The following COBL variants were observed in gnomAD, a reference collection of about 807,000 sequenced individuals.
The protein encoded by COBL is protein cordon-bleu.
In COBL, 51 loss-of-function variants were observed where a neutral mutation model predicts 98.8. The ratio of observed to expected loss-of-function variants is 0.52; its 90% CI spans 0.41 to 0.65. The LOEUF (loss-of-function observed/expected upper bound fraction) is 0.65, where lower values mean the gene tolerates loss of function less well. Among genes scored for constraint, COBL ranks in the 30% least tolerant of loss-of-function variants. The pLI, the probability that COBL is intolerant of heterozygous loss-of-function variation, is 0.00. For missense variants in COBL, 1,617 were observed against 1,617.5 expected, an observed-to-expected ratio of 1.00 and a Z score of 0.01; for synonymous variants, 634 against 651.7, an observed-to-expected ratio of 0.97 and a Z score of 0.41.
chr7:51,028,028 G>A lies in COBL; in HGVS notation c.3068C>T (p.Pro1023Leu). The A allele has an allele frequency of 6.2e-7, 1 of 1,605,690 alleles. No individual in the cohort carries two copies. The highest frequency in any genetic ancestry group is 1.1e-5 in the South Asian group (1 of 89,194). The change falls in exon 10 of 13, where the codon CCT becomes CTT. Residue 1023 changes from proline (P) to leucine (L), a missense_variant. Physicochemically the swap from Pro to Leu is moderately conservative, Grantham distance 98. Transcript: ENST00000265136. Reference sequence around the variant, plus strand: ...GGCCTGAGTGTCAGATGTGTGTGGAGGGGGTGGGTCTGTACCATCAGGTGC... The same window carrying A: ...GGCCTGAGTGTCAGATGTGTGTGGAAGGGGTGGGTCTGTACCATCAGGTGC... ...RRAPDGTDPP[P>L]PHTSDTQACS...
At chr7:51,283,289 A>T (rs1799968301) in intron 1 of COBL, among the ~76,000 whole-genome samples, 2 of 152,198 alleles carry the variant, frequency 1.3e-5, no homozygotes, top group African/African-American at 4.8e-5. Context: ...AGGAATAAAA[A>T]AGAAGATATC....
intron 5 of COBL, among the ~76,000 whole-genome samples, chr7:51,166,949 T>C (rs889506502): frequency 6.6e-6 from 1 of 152,162 alleles, no homozygotes; most frequent in Admixed American, 6.5e-5. Context: ...AGAAGTAACA[T>C]ATCTTAACAT....
chr7:51,051,327 A>C (rs1790217075), intron 7 of COBL, among the ~76,000 whole-genome samples: 1 of 152,222 alleles, frequency 6.6e-6, no homozygotes, highest in Non-Finnish European at 1.5e-5. Flanking sequence ...TAAAATTTTT[A>C]CCTGAATGTG....
intron 7 of COBL, among the ~76,000 whole-genome samples, chr7:51,079,501 A>G (rs1159359963): frequency 7.9e-5 from 12 of 152,262 alleles, no homozygotes; most frequent in Admixed American, 6.5e-4. Context: ...TATGAATAAA[A>G]CAGTTAAGCC....
At chr7:51,036,616 A>G (rs1415696859) in intron 8 of COBL, among the ~76,000 whole-genome samples, 4 of 152,106 alleles carry the variant, frequency 2.6e-5, no homozygotes, top group Non-Finnish European at 5.9e-5. Flanking sequence ...GTAACAGCAC[A>G]GCTCCTCACA....
chr7:51,025,194 G>A lies in COBL; in HGVS notation c.3683C>T (p.Thr1228Met), dbSNP rs748130662. 9.3e-6 allele frequency: 15 copies of A among 1,610,608 alleles called. No homozygotes were observed. Among genetic ancestry groups the A allele is most frequent in the African/African-American group, 6.7e-5 (5 of 74,686 alleles). The change falls in exon 12 of 13, where the codon ACG becomes ATG. Residue 1228 changes from threonine (T) to methionine (M), a missense_variant. Thr to Met is a moderately conservative substitution (Grantham distance 81). Coordinates refer to ENST00000265136, the MANE Select transcript of COBL (RefSeq NM_015198.5). The part of the protein sequence containing the change: ...SAPRTASRFS[T>M]GTLSNTADAR... ...GTCTGCGGTGTTGCTGAGGGTGCCC[G>A]TGCTGAACCTGGAGGCCGTCCTTGG...
intron 6 of COBL, among the ~76,000 whole-genome samples, chr7:51,113,735 G>GT (rs1797036652): frequency 6.6e-6 from 1 of 152,172 alleles, no homozygotes; most frequent in African/African-American, 2.4e-5. Context: ...TCAGAAATGT[G>GT]TTATTTGCTG....
At chr7:51,308,755 G>T (rs1802722930) in intron 1 of COBL, among the ~76,000 whole-genome samples, 1 of 152,168 alleles carries the variant, frequency 6.6e-6, no homozygotes, top group South Asian at 2.1e-4. Context: ...AACTCCTCCA[G>T]GATGGTGCCC....
intron 5 of COBL, among the ~76,000 whole-genome samples, chr7:51,144,416 G>A (rs1240428761): frequency 5.3e-5 from 8 of 152,134 alleles, no homozygotes; most frequent in South Asian, 2.1e-4. Context: ...TCAGCTGCAC[G>A]GAACTCCCTG....
At chr7:51,065,427 C>T (rs1791820041) in intron 7 of COBL, 1 of 702,118 alleles carries the variant, frequency 1.4e-6, no homozygotes, top group African/African-American at 1.7e-5. Flanking sequence ...GAAGTCTTAT[C>T]ACAGCTTCAG....
At chr7:51,267,427 G>A (rs751141749) in intron 1 of COBL, among the ~76,000 whole-genome samples, 9 of 151,984 alleles carry the variant, frequency 5.9e-5, no homozygotes, top group Non-Finnish European at 8.8e-5. Context: ...AGCCCCATCC[G>A]CAAAGACTTG....
intron 1 of COBL, among the ~76,000 whole-genome samples, chr7:51,234,004 A>C (rs1795005169): frequency 6.6e-6 from 1 of 152,246 alleles, no homozygotes; most frequent in East Asian, 1.9e-4. Flanking sequence ...TTTAGGATGA[A>C]TTATTCTACA....
chr7:51,219,840 T>C lies in COBL; in HGVS notation c.146A>G (p.Gln49Arg), dbSNP rs201325705. The C allele has an allele frequency of 1.9e-5, 30 of 1,614,068 alleles. No individual in the cohort carries two copies. The Admixed American group carries it at 2.7e-4, about 14-fold the overall frequency. The change falls in exon 2 of 13, where the codon CAG becomes CGG. Residue 49 changes from glutamine (Q) to arginine (R), a missense_variant. Physicochemically the swap from Gln to Arg is conservative, Grantham distance 43. Transcript: ENST00000265136. ...PPHDGALGSQ[Q>R]NLVRMKEALR... ...CGCCTCCTTCATGCGAACCAAGTTC[T>C]GCTGCGACCCGAGGGCCCCATCGTG...
Position 51,282,300 on chromosome 7 carries a change from A to G in COBL, c.41+34293T>C, listed in dbSNP as rs190154425. On this transcript the variant is annotated intron_variant, in intron 1 of 12. Coordinates refer to ENST00000265136, the MANE Select transcript of COBL (RefSeq NM_015198.5). ...TCTAAACAATCCAACTAAAAGACAGATATTATTTAACTACATGCTATCTTC... is the reference window on the plus strand; with the variant it reads ...TCTAAACAATCCAACTAAAAGACAGGTATTATTTAACTACATGCTATCTTC... Among the ~76,000 whole-genome samples, 546 of 152,204 alleles carry G rather than the reference A, an allele frequency of 3.6e-3. 1 individual carries two copies. Among genetic ancestry groups the G allele is most frequent in the African/African-American group, 0.013 (529 of 41,560 alleles).
At chr7:51,285,017 G>A (rs1340743307) in intron 1 of COBL, among the ~76,000 whole-genome samples, 1 of 148,510 alleles carries the variant, frequency 6.7e-6, no homozygotes, top group Non-Finnish European at 1.5e-5. Flanking sequence ...GCACAATCTT[G>A]GCTCACTGCA....
At position 51,043,457 on chromosome 7, in the gene COBL, G is replaced by A. The variant is rs1463213850; in HGVS notation, c.1332C>T (p.Leu444=). The A allele has an allele frequency of 5.6e-6, 9 of 1,614,224 alleles. No individual in the cohort carries two copies. Among genetic ancestry groups the A allele is most frequent in the East Asian group, 2.2e-5 (1 of 44,878 alleles). ...GGGGACCCAGGTCTGGGGTTCCAGC[G>A]AGGTCCTGGTCACTGCAGTCTTCCT... is the stretch of plus-strand genomic sequence containing the variant. ...TDQEDCSDQD[L]AGTPDLGPQK... is the part of the protein sequence containing the mutation. The change falls in exon 8 of 13, where the codon CTC becomes CTT. Residue 444 remains leucine, a synonymous_variant. Transcript: ENST00000265136.
At chr7:51,062,032 G>A (rs1180709548) in intron 7 of COBL, among the ~76,000 whole-genome samples, 2 of 151,834 alleles carry the variant, frequency 1.3e-5, no homozygotes, top group African/African-American at 4.8e-5. Flanking sequence ...CTGACTAATA[G>A]AGATTTTGGA....
At chr7:51,229,134 C>T (rs1238711513) in intron 1 of COBL, among the ~76,000 whole-genome samples, 1 of 152,196 alleles carries the variant, frequency 6.6e-6, no homozygotes, top group Non-Finnish European at 1.5e-5. Flanking sequence ...AGCTAACGGA[C>T]AGAAACCGCT....
intron 1 of COBL, among the ~76,000 whole-genome samples, chr7:51,240,086 A>C (rs1250160101): frequency 6.6e-6 from 1 of 152,184 alleles, no homozygotes; most frequent in Non-Finnish European, 1.5e-5. Context: ...TTTTTAAAAA[A>C]TACCTTTAAA....
Sources: gnomAD v4.1 joint callset for allele counts (sites outside exome capture counted in the v4.1 genomes callset) on GRCh38, gnomAD v4.1.1 for gene constraint, MANE v1.5 for transcripts, NCBI Gene and HGNC (gene_info 2026-07-23, HGNC 2026-07-21) for gene names.